The following BDKRB2 variants were observed in gnomAD, a reference collection of about 807,000 sequenced individuals.
BDKRB2 encodes the protein bradykinin receptor B2, also known as B2 bradykinin receptor.
A neutral mutation model predicts 4.0 loss-of-function variants in BDKRB2; 6 were observed. That is an observed-to-expected ratio of 1.49 (90% CI 0.81 to 2.93). The LOEUF is 2.93. Ranked by LOEUF, BDKRB2 falls within the 30% of genes most tolerant of loss-of-function variation. BDKRB2 has a pLI of 0.00. For missense variants in BDKRB2, 478 were observed against 520.1 expected (o/e 0.92, Z 0.79); for synonymous variants, 225 against 215.3 (o/e 1.05, Z -0.40).
At chr14:96,216,972 A>G (rs1890443579) in intron 1 of BDKRB2, among the ~76,000 whole-genome samples, 1 of 152,214 alleles carries the variant, frequency 6.6e-6, no homozygotes, top group Admixed American at 6.5e-5. Context: ...TGGGGTAGCT[A>G]TACATAGCCC....
intron 2 of BDKRB2, chr14:96,238,063 A>C: frequency 9.3e-7 from 1 of 1,075,880 alleles, no homozygotes; most frequent in Non-Finnish European, 1.1e-6. Flanking sequence ...AGGACTCTGG[A>C]AAGGAGGCTG....
intron 1 of BDKRB2, among the ~76,000 whole-genome samples, chr14:96,222,174 C>T (rs552528853): frequency 4.1e-4 from 63 of 152,202 alleles, no homozygotes; most frequent in African/African-American, 1.4e-3. Flanking sequence ...AAAGACACCA[C>T]TCAGCCACAG....
chr14:96,221,025 C>G (rs530919445), intron 1 of BDKRB2, among the ~76,000 whole-genome samples: 2 of 152,004 alleles, frequency 1.3e-5, no homozygotes, highest in Non-Finnish European at 2.9e-5. Flanking sequence ...AGTGAGGTGC[C>G]GGGGTTCAAA....
chr14:96,234,266 G>C lies in BDKRB2; in HGVS notation c.-39-2803G>C, dbSNP rs768711646. ...ACCCTGGGTGCCTCAGGGCTGGTACGGCAAAGCCTCAGCACCCTCCCTACC... is the reference window on the plus strand; with the variant it reads ...ACCCTGGGTGCCTCAGGGCTGGTACCGCAAAGCCTCAGCACCCTCCCTACC... On this transcript the variant is annotated intron_variant, in intron 1 of 2. Coordinates refer to ENST00000554311, the MANE Select transcript of BDKRB2 (RefSeq NM_001379692.1). 5.3e-5 allele frequency among the ~76,000 whole-genome samples: 8 copies of C among 152,170 alleles called. 1 individual carries two copies. The South Asian group carries it at 8.3e-4, about 16-fold the overall frequency.
At chr14:96,226,586 A>G (rs1466279486) in intron 1 of BDKRB2, among the ~76,000 whole-genome samples, 2 of 152,150 alleles carry the variant, frequency 1.3e-5, no homozygotes, top group African/African-American at 2.4e-5. Context: ...CCTGGGAGGC[A>G]GAGGTTGCAG....
rs202134620 is a variant in BDKRB2, at chr14:96,240,836, G to C, written c.508G>C (p.Gly170Arg). 2.6e-6 allele frequency: 4 copies of C among 1,560,708 alleles called. No homozygotes were observed. Among genetic ancestry groups the C allele is most frequent in the Non-Finnish European group, 3.5e-6 (4 of 1,155,828 alleles). The change falls in exon 3 of 3, where the codon GGC (glycine) becomes CGC (arginine). Residue 170 changes from glycine to arginine, a missense_variant. Transcript: ENST00000554311. ...VKTMSMGRMR[G>R]VRWAKLYSLV... ...AACCATGTCCATGGGCCGGATGCGC[G>C]GCGTGCGCTGGGCCAAGCTCTACAG... is the stretch of plus-strand genomic sequence containing the variant.
intron 1 of BDKRB2, among the ~76,000 whole-genome samples, chr14:96,211,952 G>A (rs965859833): frequency 1.3e-5 from 2 of 152,152 alleles, no homozygotes; most frequent in East Asian, 3.9e-4. Context: ...CACAGCCGGC[G>A]GTGCATTTAG....
rs11622258 is a variant in BDKRB2 at position 96,243,106 on chromosome 14, A to G, written c.*1602A>G. On this transcript the variant is annotated 3_prime_UTR_variant, in exon 3 of 3. Coordinates refer to ENST00000554311, the MANE Select transcript of BDKRB2 (RefSeq NM_001379692.1). ...TAAAACCTGAGCTAGAAGCTGGAGGACTAGAACCTGGAGGGCTGGAATCTG... is the reference window on the plus strand; with the variant it reads ...TAAAACCTGAGCTAGAAGCTGGAGGGCTAGAACCTGGAGGGCTGGAATCTG... 7.3e-5 allele frequency: 11 copies of G among 150,862 alleles called. No individual in the cohort carries two copies. Among genetic ancestry groups the G allele is most frequent in the Admixed American group, 1.4e-4 (2 of 14,810 alleles). The allele number at this position is 150,862 out of a possible 1,614,324, so 9.3% of individuals were successfully genotyped here.
In BDKRB2 at chr14:96,204,858, G is replaced by A. The variant is rs201375777; in HGVS notation, c.-141G>A. 12 of 371,782 alleles carry A rather than the reference G, an allele frequency of 3.2e-5. No individual in the cohort carries two copies. The highest frequency in any genetic ancestry group is 6.4e-5 in the Non-Finnish European group (12 of 186,758). 23.0% of individuals were successfully genotyped at this position (371,782 alleles called of 1,614,324 possible). A position where few individuals can be genotyped will look rare whatever the true frequency, so the allele number is the denominator to read the frequency against. On this transcript the variant is annotated 5_prime_UTR_variant, in exon 1 of 3. Transcript: ENST00000554311. ...GCCGCCACTCCAGCTCTGGCTTCTG[G>A]GCTCCGAGGAGGGGTGGGGACGGTG...
chr14:96,234,752 G>A (rs1890894011), intron 1 of BDKRB2, among the ~76,000 whole-genome samples: 1 of 152,254 alleles, frequency 6.6e-6, no homozygotes, highest in African/African-American at 2.4e-5. Flanking sequence ...TTAGGATCCA[G>A]CTGGGCTGAT....
intron 1 of BDKRB2, among the ~76,000 whole-genome samples, chr14:96,230,710 C>T (rs536376820): frequency 2.0e-4 from 29 of 147,926 alleles, no homozygotes; most frequent in Middle Eastern, 7.4e-3. Flanking sequence ...CTCTGCCTCC[C>T]GGTTCAAGCG....
At chr14:96,222,994 C>A (rs1331915945) in intron 1 of BDKRB2, 2 of 644,166 alleles carry the variant, frequency 3.1e-6, no homozygotes, top group Non-Finnish European at 5.7e-6. Context: ...TTCTGTAGAA[C>A]AAACAACTGG....
At chr14:96,239,593 C>T in intron 2 of BDKRB2, 1 of 984,896 alleles carries the variant, frequency 1.0e-6, no homozygotes, top group Non-Finnish European at 1.2e-6. Context: ...TTGTTAATTA[C>T]TAATGTTTAT....
At chr14:96,223,330 A>G in intron 1 of BDKRB2, 1 of 1,031,452 alleles carries the variant, frequency 9.7e-7, no homozygotes, top group Non-Finnish European at 1.5e-6. Flanking sequence ...CCCACCACCC[A>G]AGAAGCCAAA....
chr14:96,228,402 C>T (rs924720202), intron 1 of BDKRB2, among the ~76,000 whole-genome samples: 4 of 152,102 alleles, frequency 2.6e-5, no homozygotes, highest in African/African-American at 9.7e-5. Context: ...TCAGGTCACA[C>T]GGACTTGAAG....
At chr14:96,205,694 G>C (rs962773945) in intron 1 of BDKRB2, among the ~76,000 whole-genome samples, 1 of 152,162 alleles carries the variant, frequency 6.6e-6, no homozygotes. Context: ...TGACGTTTTT[G>C]GGCGAGTTAT....
At chr14:96,214,042 G>T (rs1003867282) in intron 1 of BDKRB2, among the ~76,000 whole-genome samples, 7 of 152,198 alleles carry the variant, frequency 4.6e-5, no homozygotes, top group African/African-American at 7.2e-5. Context: ...GGAGAGATGG[G>T]TAGGAGCATG....
intron 1 of BDKRB2, among the ~76,000 whole-genome samples, chr14:96,235,151 C>T (rs1010637928): frequency 1.3e-5 from 2 of 152,024 alleles, no homozygotes; most frequent in East Asian, 1.9e-4. Flanking sequence ...AGTTCGAGAC[C>T]AACCTGGCCA....
At chr14:96,237,682 AG>A in intron 2 of BDKRB2, 1 of 1,287,830 alleles carries the variant, frequency 7.8e-7, no homozygotes, top group Non-Finnish European at 1.0e-6. Flanking sequence ...AACAAGGCTG[AG>A]GGGTCCACTC....
Sources: allele counts gnomAD v4.1 joint callset (sites outside exome capture counted in the v4.1 genomes callset), GRCh38; gene constraint gnomAD v4.1.1; transcripts MANE v1.5; gene names NCBI Gene and HGNC (gene_info 2026-07-23, HGNC 2026-07-21).